Variants in COMMD8 observed in about 807,000 individuals in gnomAD.
The protein encoded by COMMD8 is COMM domain containing 8.
Under a neutral mutation model 27.2 loss-of-function variants are expected in COMMD8, and 28 were observed. The observed-to-expected ratio is 1.03, with a 90% CI of 0.76 to 1.41. The LOEUF (loss-of-function observed/expected upper bound fraction) is 1.41. Among genes scored for constraint, COMMD8 ranks in the 40% most tolerant of loss-of-function variants. The pLI, the probability that COMMD8 is intolerant of heterozygous loss-of-function variation, is 0.00. For missense variants in COMMD8, 217 were observed against 211.2 expected (o/e 1.03, Z -0.17); for synonymous variants, 79 against 75.5 (o/e 1.05, Z -0.24).
rs534032689 is a variant in COMMD8, at chr4:47,454,259, C to A, written c.376-1045G>T. 2.4e-4 allele frequency among the ~76,000 whole-genome samples: 37 copies of A among 152,258 alleles called. No individual in the cohort carries two copies. In the Middle Eastern group the frequency reaches 0.01, roughly 42 times the overall value. On this transcript the variant is annotated intron_variant, in intron 3 of 4. Transcript: ENST00000381571. ...GGTTGAATTGAAACGTATCTTATTG[C>A]AAATAATATACGTTAGTCCTTCACC... is the stretch of plus-strand genomic sequence containing the variant.
At position 47,451,402 on chromosome 4, in the gene COMMD8, AAT is replaced by A. The variant is rs1347874355; in HGVS notation, c.*241_*242del. The A allele has an allele frequency of 9.3e-5, 38 of 407,496 alleles. No individual in the cohort carries two copies. The highest frequency in any genetic ancestry group is 1.5e-4 in the Non-Finnish European group (35 of 230,836). 25.2% of individuals were successfully genotyped at this position (407,496 alleles called of 1,614,324 possible). A position where few individuals can be genotyped will look rare whatever the true frequency, so the allele number is the denominator to read the frequency against. Reference sequence around the variant, plus strand: ...AAATATTTAATAAATGAGGCAAAACAATCATGAAAATATAAACTGCTACTATA... The same window carrying A: ...AAATATTTAATAAATGAGGCAAAACACATGAAAATATAAACTGCTACTATA... On this transcript the variant is annotated 3_prime_UTR_variant, in exon 5 of 5. Transcript: ENST00000381571.
At chr4:47,456,537 A>G (rs1729894737) in intron 3 of COMMD8, 40 bp downstream of exon 3, 1 of 1,464,146 alleles carries the variant, frequency 6.8e-7, no homozygotes, top group Admixed American at 2.6e-5. Flanking sequence ...TCTATATCCA[A>G]AAAATGAAAT....
rs757608950 is a variant in COMMD8 at position 47,463,600 on chromosome 4, C to A, written c.52G>T (p.Glu18Ter). 2 of 1,546,378 alleles carry A rather than the reference C, an allele frequency of 1.3e-6. No individual in the cohort carries two copies. Among genetic ancestry groups the A allele is most frequent in the East Asian group, 2.4e-5 (1 of 40,846 alleles). ...PLWRLQKLPA[E>*]LGPQLLHKII... ...CCCGCCCTCACCTGCGGGCCCAGCT[C>A]GGCCGGCAGCTTCTGCAGCCGCCAC... Residue 18 changes from glutamate to a stop codon, truncating the protein, a stop_gained, in exon 1 of 5, where the codon GAG (glutamate) becomes TAG (stop). Transcript: ENST00000381571. LOFTEE classifies it high-confidence loss of function.
chr4:47,460,002 C>A, intron 2 of COMMD8, 142 bp downstream of exon 2: 1 of 605,962 alleles, frequency 1.7e-6, no homozygotes, highest in Non-Finnish European at 2.6e-6. Context: ...AAACCTAGGA[C>A]TTCCACAGAT....
intron 4 of COMMD8, 53 bp from the exon 5 acceptor site, chr4:47,451,718 T>G: frequency 7.4e-7 from 1 of 1,357,460 alleles, no homozygotes; most frequent in Non-Finnish European, 1.0e-6. Context: ...CTGATGCTGA[T>G]ATATTCCATA....
intron 3 of COMMD8, among the ~76,000 whole-genome samples, chr4:47,453,976 T>C (rs149890482): frequency 2.0e-5 from 3 of 152,322 alleles, no homozygotes; most frequent in African/African-American, 4.8e-5. Context: ...AGGATCTCCC[T>C]TGTGGTACAT....
Position 47,463,568 on chromosome 4 carries a change from C to G in COMMD8, c.66+18G>C. Reference sequence around the variant, plus strand: ...GAATCCCAGGCCCCGCGCCGCTTCCCCCGGTACCCGCCCTCACCTGCGGGC... The same window carrying G: ...GAATCCCAGGCCCCGCGCCGCTTCCGCCGGTACCCGCCCTCACCTGCGGGC... On this transcript the variant is annotated intron_variant, in intron 1 of 4. Transcript: ENST00000381571. 1.9e-6 allele frequency: 3 copies of G among 1,541,420 alleles called. No individual in the cohort carries two copies. Among genetic ancestry groups the G allele is most frequent in the Non-Finnish European group, 2.6e-6 (3 of 1,145,456 alleles).
rs200812171 is a variant in COMMD8 at position 47,463,629 on chromosome 4, G to A, written c.23C>T (p.Pro8Leu). The A allele has an allele frequency of 6.6e-5, 102 of 1,549,104 alleles. No individual in the cohort carries two copies. The East Asian group carries it at 1.4e-3, about 21-fold the overall frequency. The change falls in exon 1 of 5, where the codon CCC becomes CTC. Residue 8 changes from proline (P) to leucine (L), a missense_variant. Pro to Leu is a moderately conservative substitution (Grantham distance 98). Coordinates refer to ENST00000381571, the MANE Select transcript of COMMD8 (RefSeq NM_017845.5). MEPEEGT[P>L]LWRLQKLPAE... ...CGGCAGCTTCTGCAGCCGCCACAAGGGCGTCCCCTCTTCCGGCTCCATCCC... is the reference window on the plus strand; with the variant it reads ...CGGCAGCTTCTGCAGCCGCCACAAGAGCGTCCCCTCTTCCGGCTCCATCCC...
chr4:47,457,234 A>C (rs902035368), intron 2 of COMMD8, among the ~76,000 whole-genome samples: 2 of 152,218 alleles, frequency 1.3e-5, no homozygotes, highest in African/African-American at 4.8e-5. Context: ...TGTAGCCCTT[A>C]GGCAAGAAGC....
At chr4:47,456,298 A>ATATATATATATATG (rs1430343028) in intron 3 of COMMD8, among the ~76,000 whole-genome samples, 4 of 131,164 alleles carry the variant, frequency 3.0e-5, no homozygotes, top group African/African-American at 1.2e-4. Flanking sequence ...ATATATATAT[A>ATATATATATATATG]TATGTATATG....
chr4:47,451,738 T>G, intron 4 of COMMD8, 73 bp from the exon 5 acceptor site: 4 of 1,188,176 alleles, frequency 3.4e-6, no homozygotes, highest in Non-Finnish European at 4.7e-6. Context: ...ATTAAATGCT[T>G]TGAAGTCTCT....
At chr4:47,459,126 C>A (rs558781386) in intron 2 of COMMD8, among the ~76,000 whole-genome samples, 3 of 152,092 alleles carry the variant, frequency 2.0e-5, no homozygotes, top group African/African-American at 7.2e-5. Flanking sequence ...ATAGTATTAG[C>A]CAGCAAAAGA....
chr4:47,456,001 T>G (rs1729876269), intron 3 of COMMD8, among the ~76,000 whole-genome samples: 1 of 152,018 alleles, frequency 6.6e-6, no homozygotes. Flanking sequence ...ATCCCAGCAC[T>G]CTGGTGGGTG....
At position 47,460,279 on chromosome 4, in the gene COMMD8, A is replaced by G; in HGVS notation, c.87T>C (p.Asp29=). 2 of 1,610,990 alleles carry G rather than the reference A, an allele frequency of 1.2e-6. No individual in the cohort carries two copies. The highest frequency in any genetic ancestry group is 2.7e-5 in the African/African-American group (2 of 74,898). Residue 29 remains aspartate, a synonymous_variant, in exon 2 of 5, where the codon GAT becomes GAC. Coordinates refer to ENST00000381571, the MANE Select transcript of COMMD8 (RefSeq NM_017845.5). ...LGPQLLHKII[D]GICGRAYPVY... is the part of the protein sequence containing the mutation. ...CAGGATAAGCTCGACCACAAATGCC[A>G]TCAATTATTTTGTGAAGAAGCTAGC...
At chr4:47,451,708 C>T (rs1729758000) in intron 4 of COMMD8, 43 bp from the exon 5 acceptor site, 2 of 1,462,498 alleles carry the variant, frequency 1.4e-6, no homozygotes, top group Non-Finnish European at 9.3e-7. Context: ...TTATACAAGA[C>T]TGATGCTGAT....
rs1729736682 is a variant in COMMD8, at chr4:47,450,957, T to A, written c.*688A>T. On this transcript the variant is annotated 3_prime_UTR_variant, in exon 5 of 5. Coordinates refer to ENST00000381571, the MANE Select transcript of COMMD8 (RefSeq NM_017845.5). Reference sequence around the variant, plus strand: ...TATACACACTGCATAATGACAGCTATTTTTTATCAGAGCAATGTTTCCCAA... The same window carrying A: ...TATACACACTGCATAATGACAGCTAATTTTTATCAGAGCAATGTTTCCCAA... 2.0e-5 allele frequency: 3 copies of A among 152,314 alleles called. No homozygotes were observed. The highest frequency in any genetic ancestry group is 7.2e-5 in the African/African-American group (3 of 41,462). 9.4% of individuals were successfully genotyped at this position (152,314 alleles called of 1,614,324 possible). A position where few individuals can be genotyped will look rare whatever the true frequency, so the allele number is the denominator to read the frequency against.
At chr4:47,461,242 C>T (rs1002705328) in intron 1 of COMMD8, among the ~76,000 whole-genome samples, 3 of 152,188 alleles carry the variant, frequency 2.0e-5, no homozygotes, top group Admixed American at 6.5e-5. Context: ...CAGTACTATT[C>T]TAAGCACTTA....
chr4:47,456,635 G>C lies in COMMD8; in HGVS notation c.317C>G (p.Ser106Ter). The change falls in exon 3 of 5, where the codon TCA becomes TGA. Residue 106 changes from serine (S) to a stop codon, truncating the protein, a stop_gained. Coordinates refer to ENST00000381571, the MANE Select transcript of COMMD8 (RefSeq NM_017845.5). LOFTEE classifies it high-confidence loss of function. The stretch of plus-strand genomic sequence containing the variant: ...AGAGGAAATAGCAACTATTTCTCTT[G>C]ACAGAGCCTGTTTGATTTCATCTTT... ...SRKDEIKQALSREIVAISSAQ... is the reference protein window; with the variant it reads ...SRKDEIKQAL 3.1e-6 allele frequency: 5 copies of C among 1,609,950 alleles called. No individual in the cohort carries two copies. The highest frequency in any genetic ancestry group is 1.7e-5 in the Admixed American group (1 of 59,128).
At position 47,451,540 on chromosome 4, in the gene COMMD8, G is replaced by A. The variant is rs540450734; in HGVS notation, c.*105C>T. 2.4e-6 allele frequency: 2 copies of A among 826,098 alleles called. No homozygotes were observed. Among genetic ancestry groups the A allele is most frequent in the African/African-American group, 3.6e-5 (2 of 56,060 alleles). The allele number at this position is 826,098 out of a possible 1,614,324, so 51.2% of individuals were successfully genotyped here. A position where few individuals can be genotyped will look rare whatever the true frequency, so the allele number is the denominator to read the frequency against. On this transcript the variant is annotated 3_prime_UTR_variant, in exon 5 of 5. Transcript: ENST00000381571. ...ATCAATATTGCTGCTTTCTCAGCCT[G>A]GTGCAACAGTCAAGACATCACAAGG...
Sources: allele counts gnomAD v4.1 joint callset (sites outside exome capture counted in the v4.1 genomes callset), GRCh38; gene constraint gnomAD v4.1.1; transcripts MANE v1.5; gene names NCBI Gene and HGNC (gene_info 2026-07-23, HGNC 2026-07-21).